Variants in USP50 observed in about 807,000 individuals in gnomAD.
The protein encoded by USP50 is ubiquitin specific peptidase 50.
In USP50, 37 loss-of-function variants were observed where a neutral mutation model predicts 39.2. The observed-to-expected ratio is 0.94, with a 90% CI of 0.73 to 1.24. The LOEUF (loss-of-function observed/expected upper bound fraction) is 1.24. Ranked by LOEUF, USP50 falls within the 50% of genes most tolerant of loss-of-function variation. The pLI, the probability that USP50 is intolerant of heterozygous loss-of-function variation, is 0.00. For synonymous variants in USP50, 139 were observed against 144.5 expected (o/e 0.96, Z 0.27); for missense variants, 374 against 398.2 (o/e 0.94, Z 0.52).
chr15:50,525,644 G>GTATATGTATATGTATATATGTA (rs1566907674), intron 6 of USP50, among the ~76,000 whole-genome samples: 1 of 80,966 alleles, frequency 1.2e-5, no homozygotes, highest in African/African-American at 4.4e-5. Context: ...ATGTATATGT[G>GTATATGTATATGTATATATGTA]TATATGTATA....
At chr15:50,501,073 A>C (rs998584304) in intron 6 of USP50, 2 of 449,418 alleles carry the variant, frequency 4.5e-6, no homozygotes, top group African/African-American at 4.0e-5. Flanking sequence ...GAAAGACAAT[A>C]TTTAGCAGCA....
chr15:50,520,536 G>A (rs930961579), intron 6 of USP50, among the ~76,000 whole-genome samples: 1 of 152,014 alleles, frequency 6.6e-6, no homozygotes, highest in Non-Finnish European at 1.5e-5. Context: ...CTGGGCTCAA[G>A]TGATCTGCCT....
intron 6 of USP50, chr15:50,513,059 T>G (rs1006418317): frequency 6.6e-6 from 1 of 152,094 alleles, no homozygotes; most frequent in African/African-American, 2.4e-5. Context: ...TTTCATACAA[T>G]AGGAAAAACT....
At chr15:50,539,526 C>A (rs1178769320) in intron 4 of USP50, among the ~76,000 whole-genome samples, 1 of 151,978 alleles carries the variant, frequency 6.6e-6, no homozygotes, top group Non-Finnish European at 1.5e-5. Context: ...AAGCGATTCT[C>A]CTGCCTCAGC....
chr15:50,543,617 A>G lies in USP50; in HGVS notation c.425T>C (p.Leu142Pro). 1 of 1,613,568 alleles carries G rather than the reference A, an allele frequency of 6.2e-7. No individual in the cohort carries two copies. The highest frequency in any genetic ancestry group is 8.5e-7 in the Non-Finnish European group (1 of 1,179,708). ...ACTTACCTTTTTTAGAGCTTCATGA[A>G]GTTCATTTAGGACACAAATCAAGAA... is the stretch of plus-strand genomic sequence containing the variant. Reference protein sequence around the residue: ...QEFLICVLNELHEALKKYHYS... With the variant: ...QEFLICVLNEPHEALKKYHYS... Residue 142 changes from leucine (L) to proline (P), a missense_variant, in exon 3 of 7, where the codon CTT becomes CCT. Coordinates refer to ENST00000532404, the MANE Select transcript of USP50 (RefSeq NM_203494.5).
At chr15:50,541,804 C>A (rs1327524333) in intron 3 of USP50, among the ~76,000 whole-genome samples, 1 of 152,076 alleles carries the variant, frequency 6.6e-6, no homozygotes, top group Non-Finnish European at 1.5e-5. Context: ...AGCATTAGTT[C>A]ACTCAAGCAG....
At chr15:50,500,866 T>A (rs2052572778) in intron 6 of USP50, 29 bp from the exon 7 acceptor site, 5 of 1,539,856 alleles carry the variant, frequency 3.2e-6, no homozygotes, top group Non-Finnish European at 3.5e-6. Flanking sequence ...TCAAACTTAG[T>A]ATTCACATAT....
At chr15:50,523,174 G>GTTTTTTTTTT (rs1566906899) in intron 6 of USP50, among the ~76,000 whole-genome samples, 1 of 83,958 alleles carries the variant, frequency 1.2e-5, no homozygotes, top group Admixed American at 1.5e-4. Context: ...AAAATCAGTA[G>GTTTTTTTTTT]CTTTTTTTTT....
At chr15:50,501,041 T>C in intron 6 of USP50, 1 of 516,484 alleles carries the variant, frequency 1.9e-6, no homozygotes, top group Non-Finnish European at 3.5e-6. Context: ...GTTGTGCCCA[T>C]TGACTATCAT....
rs2141336218 is a variant in USP50 at position 50,500,728 on chromosome 15, G to T, written c.*41C>A. On this transcript the variant is annotated 3_prime_UTR_variant, in exon 7 of 7. Coordinates refer to ENST00000532404, the MANE Select transcript of USP50 (RefSeq NM_203494.5). ...GAGATCCATAGCATTTTGAACAGAA[G>T]TATCTGGAATCTCACTGACTCGTGT... The T allele has an allele frequency of 6.5e-7, 1 of 1,540,688 alleles. No individual in the cohort carries two copies. Among genetic ancestry groups the T allele is most frequent in the East Asian group, 2.4e-5 (1 of 42,104 alleles).
At chr15:50,519,122 G>C (rs1452491019) in intron 6 of USP50, among the ~76,000 whole-genome samples, 1 of 151,744 alleles carries the variant, frequency 6.6e-6, no homozygotes, top group East Asian at 2.0e-4. Context: ...TCTCATCTCT[G>C]CTAAAAATGC....
Position 50,541,227 on chromosome 15 carries a change from G to A in USP50, c.482C>T (p.Ser161Phe), listed in dbSNP as rs1164719457. ...YSRRRSYEKG[S>F]TQRCCRKWIT... ...CCACTTCCTGCAGCATCTCTGAGTAGATCCTTTCTCATATGATCTTCTCCG... is the reference window on the plus strand; with the variant it reads ...CCACTTCCTGCAGCATCTCTGAGTAAATCCTTTCTCATATGATCTTCTCCG... Residue 161 changes from serine to phenylalanine, a missense_variant, in exon 4 of 7, where the codon TCT (serine) becomes TTT (phenylalanine). By Grantham distance (155) the Ser-to-Phe change is radical (BLOSUM62 -2). Coordinates refer to ENST00000532404, the MANE Select transcript of USP50 (RefSeq NM_203494.5). 5 of 1,613,810 alleles carry A rather than the reference G, an allele frequency of 3.1e-6. No homozygotes were observed. Among genetic ancestry groups the A allele is most frequent in the Non-Finnish European group, 3.4e-6 (4 of 1,179,888 alleles).
rs2052926773 is a variant in USP50, at chr15:50,529,867, T to A, written c.866A>T (p.Asn289Ile). The part of the protein sequence containing the change: ...LRTDIHYPLT[N>I]LDLTPYICSI... ...GCAAATATAAGGAGTGAGGTCCAAG[T>A]TAGTGAGTGGGTAATGAATATCCGT... Residue 289 changes from asparagine (N) to isoleucine (I), a missense_variant, in exon 6 of 7, where the codon AAC (asparagine) becomes ATC (isoleucine). Asn to Ile is a moderately radical substitution (Grantham distance 149). Coordinates refer to ENST00000532404, the MANE Select transcript of USP50 (RefSeq NM_203494.5). 7 of 1,613,884 alleles carry A rather than the reference T, an allele frequency of 4.3e-6. No individual in the cohort carries two copies. The highest frequency in any genetic ancestry group is 5.9e-6 in the Non-Finnish European group (7 of 1,179,894).
At chr15:50,528,462 T>A (rs1289259656) in intron 6 of USP50, among the ~76,000 whole-genome samples, 4 of 152,296 alleles carry the variant, frequency 2.6e-5, no homozygotes, top group Non-Finnish European at 4.4e-5. Context: ...TTATAATTTT[T>A]ATATTCAATT....
At chr15:50,493,428 A>G (rs767921434), downstream of USP50, 2 of 518,990 alleles carry the variant, frequency 3.9e-6, no homozygotes, top group East Asian at 5.4e-5. Context: ...AGAAAAGTCA[A>G]ATTAGGAAAG....
chr15:50,538,944 T>G, intron 4 of USP50, 93 bp from the exon 5 acceptor site: 1 of 1,372,420 alleles, frequency 7.3e-7, no homozygotes. Flanking sequence ...GCCGTGGAAA[T>G]GTAGTTCTCA....
In USP50 at chr15:50,500,788, T is replaced by C; in HGVS notation, c.986A>G (p.Asn329Ser). ...DGGHYTAFCK[N>S]SVTQA The stretch of plus-strand genomic sequence containing the variant: ...GCTATATCAGGCCTGGGTGACTGAA[T>C]TCTTGCAGAAAGCAGTGTAGTGGCC... Residue 329 changes from asparagine (N) to serine (S), a missense_variant, in exon 7 of 7, where the codon AAT (asparagine) becomes AGT (serine). Physicochemically the swap from Asn to Ser is conservative, Grantham distance 46. Transcript: ENST00000532404. 6.3e-7 allele frequency: 1 copy of C among 1,590,670 alleles called. No homozygotes were observed. Among genetic ancestry groups the C allele is most frequent in the Non-Finnish European group, 8.6e-7 (1 of 1,168,050 alleles).
chr15:50,508,369 A>G (rs948111576), intron 6 of USP50: 6 of 152,230 alleles, frequency 3.9e-5, no homozygotes, highest in Non-Finnish European at 5.9e-5. Context: ...CATTTATTTT[A>G]TATTCAAATA....
intron 5 of USP50, among the ~76,000 whole-genome samples, chr15:50,538,306 A>AAAAAG (rs987290392): frequency 6.7e-6 from 1 of 149,952 alleles, no homozygotes; most frequent in Non-Finnish European, 1.5e-5. Flanking sequence ...AAAAAGACAG[A>AAAAAG]AAAAGAAAAG....
Sources: gnomAD v4.1 joint callset for allele counts (sites outside exome capture counted in the v4.1 genomes callset) on GRCh38, gnomAD v4.1.1 for gene constraint, MANE v1.5 for transcripts, NCBI Gene and HGNC (gene_info 2026-07-23, HGNC 2026-07-21) for gene names.